Variants in CCDC13 observed in about 807,000 individuals in gnomAD.
The protein encoded by CCDC13 is coiled-coil domain-containing protein 13.
A neutral mutation model predicts 87.3 loss-of-function variants in CCDC13; 70 were observed. The ratio of observed to expected loss-of-function variants is 0.80; its 90% confidence interval spans 0.66 to 0.98. The LOEUF (loss-of-function observed/expected upper bound fraction) is 0.98. CCDC13 is among the 50% of genes least tolerant of loss of function. The pLI, the probability that CCDC13 is intolerant of heterozygous loss-of-function variation, is 0.00. For missense variants in CCDC13, 842 were observed against 892.0 expected (o/e 0.94, Z 0.71); for synonymous variants, 317 against 360.3 (o/e 0.88, Z 1.36).
rs570195626 is a variant in CCDC13 at position 42,739,670 on chromosome 3, C to T, written c.1128G>A (p.Lys376=). 6.2e-7 allele frequency: 1 copy of T among 1,614,188 alleles called. No homozygotes were observed. Among genetic ancestry groups the T allele is most frequent in the South Asian group, 1.1e-5 (1 of 91,088 alleles). The stretch of plus-strand genomic sequence containing the variant: ...CGATGAGCTCGTCATCATGCCGGCC[C>T]TTCTCCACCAGGGTTCCCATCTGAC... The part of the protein sequence containing the change: ...LKSQMGTLVE[K]GRHDDELIDA... The change falls in exon 9 of 16, where the codon AAG becomes AAA. Residue 376 remains lysine (K), a synonymous_variant. Coordinates refer to ENST00000310232, the MANE Select transcript of CCDC13 (RefSeq NM_144719.4).
chr3:42,770,046 G>A (rs185094618), intron 1 of CCDC13, among the ~76,000 whole-genome samples: 1,569 of 152,382 alleles, frequency 0.01, 29 homozygotes, highest in African/African-American at 0.036. Flanking sequence ...GGGCTGAGGA[G>A]TGCGGGCACA....
chr3:42,767,465 C>T (rs939622962), intron 1 of CCDC13, among the ~76,000 whole-genome samples: 1 of 152,188 alleles, frequency 6.6e-6, no homozygotes, highest in African/African-American at 2.4e-5. Flanking sequence ...TTATCTCATG[C>T]ACATGAATAG....
Position 42,758,270 on chromosome 3 carries a change from A to G in CCDC13, c.76T>C (p.Leu26=), listed in dbSNP as rs1283918271. The change falls in exon 2 of 16, where the codon TTA becomes CTA. Residue 26 remains leucine, a synonymous_variant. Transcript: ENST00000310232. ...KAMQEMQHKR[L]QKQMEKKREK... ...CTCTTTTTCTCCATCTGCTTCTGTA[A>G]CCGTTTGTGCTGCATCTCCTGCATT... 6.2e-7 allele frequency: 1 copy of G among 1,613,598 alleles called. No individual in the cohort carries two copies. Among genetic ancestry groups the G allele is most frequent in the Admixed American group, 1.7e-5 (1 of 60,024 alleles).
At chr3:42,756,016 T>A (rs1034380028) in intron 3 of CCDC13, among the ~76,000 whole-genome samples, 2 of 152,200 alleles carry the variant, frequency 1.3e-5, no homozygotes, top group African/African-American at 2.4e-5. Flanking sequence ...GGCCAAAGAA[T>A]GGAGGGAGGT....
intron 11 of CCDC13, among the ~76,000 whole-genome samples, chr3:42,733,260 T>C (rs1310750789): frequency 1.3e-5 from 2 of 152,220 alleles, no homozygotes; most frequent in African/African-American, 4.8e-5. Flanking sequence ...GCAACCAGCA[T>C]GCTCTTGAAG....
intron 9 of CCDC13, among the ~76,000 whole-genome samples, chr3:42,738,913 C>T (rs1039230114): frequency 6.6e-6 from 1 of 152,190 alleles, no homozygotes; most frequent in Non-Finnish European, 1.5e-5. Flanking sequence ...CTTTCTCTTG[C>T]CTGATCGCCC....
rs567781818 is a variant in CCDC13 at position 42,756,035 on chromosome 3, C to A, written c.370+1031G>T. ...AAAGAATGGAGGGAGGTGCATTAGG[C>A]TACCATGAGTCTTTAGGATACCAAA... On this transcript the variant is annotated intron_variant, in intron 3 of 15. Transcript: ENST00000310232. Among the ~76,000 whole-genome samples the A allele has an allele frequency of 8.9e-4, 136 of 152,314 alleles. 1 individual carries two copies. The South Asian group carries it at 0.026, about 29-fold the overall frequency.
chr3:42,709,572 C>T (rs1356963852), intron 15 of CCDC13, 112 bp downstream of exon 15: 1 of 877,862 alleles, frequency 1.1e-6, no homozygotes, highest in African/African-American at 1.7e-5. Flanking sequence ...CAGGACAAGC[C>T]TTCTGGGCAA....
intron 1 of CCDC13, among the ~76,000 whole-genome samples, chr3:42,765,082 T>C (rs1313877292): frequency 2.6e-5 from 4 of 152,198 alleles, no homozygotes; most frequent in Admixed American, 6.5e-5. Flanking sequence ...CTGGTACTCA[T>C]TGAATGTACA....
At chr3:42,709,863 C>T (rs1698264294) in intron 14 of CCDC13, 65 bp from the exon 15 acceptor site, 1 of 1,229,438 alleles carries the variant, frequency 8.1e-7, no homozygotes, top group Non-Finnish European at 1.2e-6. Context: ...CCCTGCTTCT[C>T]CTCCCGCCAT....
intron 1 of CCDC13, among the ~76,000 whole-genome samples, chr3:42,762,355 A>G (rs542713803): frequency 1.3e-5 from 2 of 152,352 alleles, no homozygotes; most frequent in East Asian, 3.9e-4. Flanking sequence ...CTAAGAGAGA[A>G]TCTCTGAGCC....
intron 1 of CCDC13, chr3:42,770,596 C>G (rs984128331): frequency 6.6e-6 from 1 of 152,274 alleles, no homozygotes; most frequent in Non-Finnish European, 1.5e-5. Flanking sequence ...CCCCAGGCAG[C>G]AGTGGCAACC....
chr3:42,717,351 G>A (rs6794309), intron 13 of CCDC13, among the ~76,000 whole-genome samples: 4,023 of 151,796 alleles, frequency 0.027, 162 homozygotes, highest in African/African-American at 0.089. Flanking sequence ...GCTTGAATCC[G>A]GGAGGCAGAG....
At chr3:42,741,728 CTCTA>C (rs1699225876) in intron 8 of CCDC13, among the ~76,000 whole-genome samples, 1 of 152,244 alleles carries the variant, frequency 6.6e-6, no homozygotes, top group South Asian at 2.1e-4. Context: ...CAGAGCGAGA[CTCTA>C]TCTAAAAAAA....
At chr3:42,746,260 A>G (rs769911677) in intron 6 of CCDC13, 25 of 494,002 alleles carry the variant, frequency 5.1e-5, no homozygotes, top group Non-Finnish European at 7.7e-5. Flanking sequence ...AGCAGCCAAG[A>G]AACTGCCAGC....
chr3:42,709,165 T>C, intron 15 of CCDC13, 26 bp from the exon 16 acceptor site: 1 of 1,597,996 alleles, frequency 6.3e-7, no homozygotes, highest in Non-Finnish European at 8.5e-7. Context: ...CAGTGCTCAG[T>C]GTGGCTGGAG....
chr3:42,734,467 C>T (rs571494381), intron 10 of CCDC13, among the ~76,000 whole-genome samples: 3 of 152,286 alleles, frequency 2.0e-5, no homozygotes, highest in Non-Finnish European at 4.4e-5. Flanking sequence ...CGTATGTGCT[C>T]TGTTCCCAGA....
chr3:42,722,791 C>CTTTT (rs956889825), intron 13 of CCDC13, among the ~76,000 whole-genome samples: 9 of 109,096 alleles, frequency 8.2e-5, no homozygotes, highest in African/African-American at 1.8e-4. Context: ...TATTCCTTTA[C>CTTTT]TTTTTTTTTT....
chr3:42,709,250 G>T, intron 15 of CCDC13, 111 bp from the exon 16 acceptor site: 3 of 1,139,002 alleles, frequency 2.6e-6, no homozygotes, highest in Non-Finnish European at 3.6e-6. Flanking sequence ...TCAGGCTCAG[G>T]CTTCCCTCTG....
Sources: allele counts gnomAD v4.1 joint callset (sites outside exome capture counted in the v4.1 genomes callset), GRCh38; gene constraint gnomAD v4.1.1; transcripts MANE v1.5; gene names NCBI Gene and HGNC (gene_info 2026-07-23, HGNC 2026-07-21).